Variants in IL7 observed in about 807,000 individuals in gnomAD.
The protein encoded by IL7 is interleukin 7.
Under a neutral mutation model 21.6 loss-of-function variants are expected in IL7, and 3 were observed. That is an observed-to-expected ratio of 0.14 (90% CI 0.06 to 0.36). The LOEUF (loss-of-function observed/expected upper bound fraction) is 0.36, where lower values mean the gene tolerates loss of function less well. Ranked by LOEUF, IL7 falls within the 10% of genes least tolerant of loss-of-function variation. The pLI is 1.00. For synonymous variants in IL7, 62 were observed against 68.1 expected, an observed-to-expected ratio of 0.91 and a Z score of 0.44; for missense variants, 175 against 200.2, an observed-to-expected ratio of 0.87 and a Z score of 0.76.
At chr8:78,775,109 G>C (rs1369355637) in intron 2 of IL7, among the ~76,000 whole-genome samples, 1 of 151,998 alleles carries the variant, frequency 6.6e-6, no homozygotes, top group Non-Finnish European at 1.5e-5. Context: ...GCCTTTTCCA[G>C]CTTTACCAAC....
chr8:78,771,718 G>A (rs1156677083), intron 2 of IL7, among the ~76,000 whole-genome samples: 1 of 152,036 alleles, frequency 6.6e-6, no homozygotes, highest in Admixed American at 6.6e-5. Context: ...AAAGCATACT[G>A]ACACAAATAC....
At chr8:78,729,584 T>C (rs1358356127), downstream of IL7, among the ~76,000 whole-genome samples, 1 of 151,978 alleles carries the variant, frequency 6.6e-6, no homozygotes, top group Non-Finnish European at 1.5e-5. Context: ...CTTCCCTTTC[T>C]TCAGCTCTGG....
intron 2 of IL7, among the ~76,000 whole-genome samples, chr8:78,743,554 G>T (rs944905278): frequency 4.6e-5 from 7 of 151,068 alleles, no homozygotes; most frequent in African/African-American, 1.7e-4. Flanking sequence ...CCTCTGTTTG[G>T]TCTATTCTAC....
In IL7 at chr8:78,709,144, A is replaced by G. The variant is rs116504914; in HGVS notation, n.214+12204T>C. Among the ~76,000 whole-genome samples the G allele has an allele frequency of 4.2e-3, 633 of 152,320 alleles. 3 individuals carry two copies. The highest frequency in any genetic ancestry group is 0.014 in the African/African-American group (594 of 41,582). On this transcript the variant is annotated intron_variant and non_coding_transcript_variant, in intron 3 of 4. Coordinates refer to the IL7 transcript ENST00000523959. ...ATAGTGAAACTATCAAATATCAGAG[A>G]TTTACTTCCTTTTAGTTACTATGAA...
At chr8:78,754,126 T>C (rs941988179) in intron 2 of IL7, among the ~76,000 whole-genome samples, 1 of 152,178 alleles carries the variant, frequency 6.6e-6, no homozygotes, top group African/African-American at 2.4e-5. Flanking sequence ...TTGCAGATGA[T>C]GTGATTGTAT....
At chr8:78,762,286 T>C in intron 2 of IL7, 1 of 1,584,890 alleles carries the variant, frequency 6.3e-7, no homozygotes, top group Non-Finnish European at 8.7e-7. Context: ...GCTGATCAGG[T>C]GTTTTATCTT....
chr8:78,765,524 C>A (rs760208389), intron 2 of IL7, among the ~76,000 whole-genome samples: 2 of 151,810 alleles, frequency 1.3e-5, no homozygotes, highest in Non-Finnish European at 2.9e-5. Context: ...GGCAAAAAAC[C>A]TGAATAAGCA....
intron 2 of IL7, among the ~76,000 whole-genome samples, chr8:78,769,399 C>CA (rs1200558101): frequency 2.0e-5 from 3 of 152,160 alleles, no homozygotes; most frequent in Admixed American, 2.0e-4. Flanking sequence ...AACAGACAAA[C>CA]AGAGAGCCAA....
At chr8:78,799,039 T>G (rs1468978408) in intron 1 of IL7, among the ~76,000 whole-genome samples, 3 of 152,152 alleles carry the variant, frequency 2.0e-5, no homozygotes, top group Non-Finnish European at 4.4e-5. Context: ...GGAAAGCCAG[T>G]GGTTCCCACA....
intron 3 of IL7, among the ~76,000 whole-genome samples, chr8:78,691,124 A>C (rs752672468): frequency 6.6e-6 from 1 of 152,172 alleles, no homozygotes; most frequent in Non-Finnish European, 1.5e-5. Flanking sequence ...AGGTGATGAC[A>C]GTGGACCTCC....
At chr8:78,789,087 A>C (rs1813602656) in intron 2 of IL7, among the ~76,000 whole-genome samples, 2 of 152,068 alleles carry the variant, frequency 1.3e-5, no homozygotes. Flanking sequence ...CCATCCTTTT[A>C]CTTTCAATCT....
chr8:78,693,964 T>TC (rs1263616512), intron 3 of IL7, among the ~76,000 whole-genome samples: 1 of 152,186 alleles, frequency 6.6e-6, no homozygotes, highest in Non-Finnish European at 1.5e-5. Flanking sequence ...TAGCCAGTTT[T>TC]CCCAGCACCA....
chr8:78,698,576 T>G, intron 3 of IL7: 1 of 1,235,590 alleles, frequency 8.1e-7, no homozygotes, highest in Non-Finnish European at 1.1e-6. Context: ...GGTTTTGTTA[T>G]GTTTTGATAA....
intron 2 of IL7, among the ~76,000 whole-genome samples, chr8:78,776,745 C>A (rs978015237): frequency 6.6e-5 from 10 of 151,942 alleles, no homozygotes; most frequent in African/African-American, 2.2e-4. Flanking sequence ...TTTAAAATAA[C>A]CCTATGAAGT....
chr8:78,692,341 TC>T, intron 3 of IL7, among the ~76,000 whole-genome samples: 1 of 152,264 alleles, frequency 6.6e-6, no homozygotes, highest in Non-Finnish European at 1.5e-5. Flanking sequence ...TCCCTATAGT[TC>T]AGTCTTATTT....
chr8:78,752,185 C>T (rs906500468), intron 2 of IL7, among the ~76,000 whole-genome samples: 3 of 152,102 alleles, frequency 2.0e-5, no homozygotes, highest in Admixed American at 6.5e-5. Context: ...TTGATGGACA[C>T]CTAAGTTAAT....
chr8:78,740,643 G>A (rs950581987), intron 2 of IL7, among the ~76,000 whole-genome samples: 4 of 152,136 alleles, frequency 2.6e-5, no homozygotes, highest in Admixed American at 6.5e-5. Flanking sequence ...AATCAACATA[G>A]TATTTTCAAC....
intron 3 of IL7, 118 bp from the exon 4 acceptor site, chr8:78,738,753 C>G (rs959465761): frequency 7.4e-6 from 6 of 810,810 alleles, no homozygotes; most frequent in African/African-American, 1.7e-5. Context: ...GCCTCCACCC[C>G]AGCTTTCTAT....
rs1395470388 is a variant in IL7, at chr8:78,805,309, G to C, written c.-387C>G. ...CTGGATGAGGACCAGAGGAATTCGC[G>C]AATTTCCGAATCACCGCAGGAAAAA... On this transcript the variant is annotated 5_prime_UTR_variant, in exon 1 of 6. Transcript: ENST00000263851. 1 of 182,816 alleles carries C rather than the reference G, an allele frequency of 5.5e-6. No individual in the cohort carries two copies. The highest frequency in any genetic ancestry group is 2.3e-5 in the African/African-American group (1 of 42,672). 11.3% of individuals were successfully genotyped at this position (182,816 alleles called of 1,614,324 possible).
Sources: allele counts gnomAD v4.1 joint callset (sites outside exome capture counted in the v4.1 genomes callset), GRCh38; gene constraint gnomAD v4.1.1; transcripts MANE v1.5; gene names NCBI Gene and HGNC (gene_info 2026-07-23, HGNC 2026-07-21).